Variants in MTCL2 observed in about 807,000 individuals in gnomAD.
The protein encoded by MTCL2 is microtubule cross-linking factor 2.
the MTCL2 span, chr20:36,816,341 G>A: frequency 2.6e-6 from 4 of 1,520,932 alleles, no homozygotes; most frequent in Non-Finnish European, 3.5e-6. Context: ...ACCCAGGAAG[G>A]TTAGTGCTGG....
chr20:36,779,377 C>T, the MTCL2 span: 1 of 152,734 alleles, frequency 6.5e-6, no homozygotes, highest in Non-Finnish European at 1.5e-5. Flanking sequence ...GCAGCACCTG[C>T]TTTACAGTCA....
the MTCL2 span, among the ~76,000 whole-genome samples, chr20:36,813,929 C>T: frequency 6.6e-6 from 1 of 152,114 alleles, no homozygotes; most frequent in Non-Finnish European, 1.5e-5. Context: ...GGACACACCA[C>T]GCTCCTTCCG....
the MTCL2 span, chr20:36,784,338 G>A: frequency 1.0e-6 from 1 of 986,126 alleles, no homozygotes; most frequent in African/African-American, 1.7e-5. Flanking sequence ...TGGCGGGACT[G>A]GCATGACCCT....
chr20:36,797,536 G>C, the MTCL2 span: 1 of 1,556,752 alleles, frequency 6.4e-7, no homozygotes, highest in Non-Finnish European at 8.7e-7. Flanking sequence ...CTCCAGCTCC[G>C]AGTGCTTCAG....
the MTCL2 span, among the ~76,000 whole-genome samples, chr20:36,830,665 TC>T: frequency 2.0e-5 from 3 of 152,210 alleles, no homozygotes; most frequent in Non-Finnish European, 4.4e-5. Context: ...GAATCCCATC[TC>T]TGCCAGTGAC....
chr20:36,855,805 G>A, the MTCL2 span, among the ~76,000 whole-genome samples: 2 of 152,202 alleles, frequency 1.3e-5, no homozygotes, highest in East Asian at 3.8e-4. Flanking sequence ...CGGAGTCTTG[G>A]TGAGGGGTTT....
At chr20:36,785,839 T>C in the MTCL2 span, 5 of 985,662 alleles carry the variant, frequency 5.1e-6, no homozygotes, top group Non-Finnish European at 6.0e-6. Flanking sequence ...ATCCAGGCTA[T>C]GGGCAGGGAG....
chr20:36,847,234 CT>C, the MTCL2 span, among the ~76,000 whole-genome samples: 1 of 152,208 alleles, frequency 6.6e-6, no homozygotes, highest in Non-Finnish European at 1.5e-5. Flanking sequence ...CCACGTGGCC[CT>C]GGGTCAGTGC....
At chr20:36,841,288 G>A in the MTCL2 span, among the ~76,000 whole-genome samples, 1 of 151,458 alleles carries the variant, frequency 6.6e-6, no homozygotes, top group Non-Finnish European at 1.5e-5. Context: ...AGCCGAGATT[G>A]CACCATTGGG....
chr20:36,852,989 G>A, the MTCL2 span, among the ~76,000 whole-genome samples: 4 of 151,720 alleles, frequency 2.6e-5, no homozygotes, highest in African/African-American at 4.8e-5. Flanking sequence ...CCCAGGAGAC[G>A]GAGGTTGCAG....
the MTCL2 span, among the ~76,000 whole-genome samples, chr20:36,831,620 C>G: frequency 6.6e-6 from 1 of 152,082 alleles, no homozygotes; most frequent in Non-Finnish European, 1.5e-5. Context: ...CAGGCATGGC[C>G]TCTCCCTCCC....
the MTCL2 span, chr20:36,778,109 G>C: frequency 2.8e-6 from 1 of 360,128 alleles, no homozygotes; most frequent in Non-Finnish European, 5.0e-6. Context: ...AGAGAGGTGA[G>C]CAGGAGCAGG....
At chr20:36,795,418 AAACTGCATACTCTG>A in the MTCL2 span, among the ~76,000 whole-genome samples, 1 of 151,956 alleles carries the variant, frequency 6.6e-6, no homozygotes, top group Non-Finnish European at 1.5e-5. Flanking sequence ...TATACACCTA[AAACTGCATACTCTG>A]AACTGCATAC....
chr20:36,845,529 G>A, the MTCL2 span, among the ~76,000 whole-genome samples: 2 of 152,246 alleles, frequency 1.3e-5, no homozygotes, highest in African/African-American at 2.4e-5. Context: ...CTGCTGGCAC[G>A]GCCCCACGTG....
At chr20:36,793,311 G>A in the MTCL2 span, 1 of 1,551,800 alleles carries the variant, frequency 6.4e-7, no homozygotes, top group Admixed American at 2.0e-5. This position sits in a 1 kb window ranked among gnomAD's most constrained non-coding sequence, Gnocchi z 6.8. Context: ...CCCACCTGGG[G>A]GAGCATGGTG....
At chr20:36,808,855 T>A in the MTCL2 span, 4 of 918,540 alleles carry the variant, frequency 4.4e-6, no homozygotes, top group African/African-American at 3.3e-5. Flanking sequence ...CTGTGAGTGA[T>A]CCCTGCCGGG....
the MTCL2 span, chr20:36,793,716 T>G: frequency 6.5e-7 from 1 of 1,545,804 alleles, no homozygotes; most frequent in Admixed American, 2.0e-5. The surrounding 1 kb of genome is among the most constrained non-coding windows in gnomAD (Gnocchi z 6.8). Flanking sequence ...CTGCGGTCCT[T>G]GCTGCTGTCC....
the MTCL2 span, chr20:36,783,839 C>T: frequency 1.0e-6 from 1 of 985,324 alleles, no homozygotes; most frequent in Non-Finnish European, 1.2e-6. Flanking sequence ...AGAAAACAAC[C>T]AGTTACCAAG....
chr20:36,782,415 A>C, the MTCL2 span: 1 of 152,238 alleles, frequency 6.6e-6, no homozygotes, highest in African/African-American at 2.4e-5. Flanking sequence ...GTGACTTCTC[A>C]TGCTCTGGGA....
Sources: allele counts gnomAD v4.1 joint callset (sites outside exome capture counted in the v4.1 genomes callset), GRCh38; gene constraint gnomAD v4.1.1; non-coding constraint Gnocchi (gnomAD v3.1); transcripts MANE v1.5; gene names NCBI Gene and HGNC (gene_info 2026-07-23, HGNC 2026-07-21).